Variants in LRCH3 observed in about 807,000 individuals in gnomAD.
The protein encoded by LRCH3 is leucine rich repeats and calponin homology domain containing 3, also known as DISP complex protein LRCH3.
LRCH3 carries 68 observed loss-of-function variants against 104.5 expected under a neutral mutation model. That is an observed-to-expected ratio of 0.65 (90% CI 0.54 to 0.80). The LOEUF (loss-of-function observed/expected upper bound fraction) is 0.80. Among genes scored for constraint, LRCH3 ranks in the 30% least tolerant of loss-of-function variants. LRCH3 has a pLI of 0.00. For missense variants in LRCH3, 951 were observed against 953.9 expected, an observed-to-expected ratio of 1.00 and a Z score of 0.04; for synonymous variants, 344 against 361.3, an observed-to-expected ratio of 0.95 and a Z score of 0.54.
rs772338445 is a variant in LRCH3, at chr3:197,852,609, G to A, written c.1579G>A (p.Val527Ile). The A allele has an allele frequency of 4.3e-6, 7 of 1,613,910 alleles. No homozygotes were observed. Among genetic ancestry groups the A allele is most frequent in the African/African-American group, 4.0e-5 (3 of 74,910 alleles). The change falls in exon 13 of 21, where the codon GTA (valine) becomes ATA (isoleucine). Residue 527 changes from valine to isoleucine, a missense_variant. Physicochemically the swap from Val to Ile is conservative, Grantham distance 29 (BLOSUM62 3). Transcript: ENST00000425562. Reference sequence around the variant, plus strand: ...AAAACAGCACCCGCTCCTAGATGGCGTAGATGGTGAGGTAAGTTGATGTAA... The same window carrying A: ...AAAACAGCACCCGCTCCTAGATGGCATAGATGGTGAGGTAAGTTGATGTAA... ...PQKQHPLLDGVDGECPFPSRR... is the reference protein window; with the variant it reads ...PQKQHPLLDGIDGECPFPSRR...
Position 197,859,481 on chromosome 3 carries a change from G to A in LRCH3, c.1716+576G>A, listed in dbSNP as rs186372161. 2.4e-3 allele frequency: 371 copies of A among 152,170 alleles called. 1 individual carries two copies. Among genetic ancestry groups the A allele is most frequent in the Non-Finnish European group, 4.0e-3 (274 of 68,088 alleles). 9.4% of individuals were successfully genotyped at this position (152,170 alleles called of 1,614,324 possible). On this transcript the variant is annotated intron_variant, in intron 15 of 20. Transcript: ENST00000425562. The stretch of plus-strand genomic sequence containing the variant: ...GTCTGGCCCTATAAGAAAAAAAATC[G>A]CAAACCCCTGCTTTTTATCAGCAAT...
intron 15 of LRCH3, among the ~76,000 whole-genome samples, chr3:197,860,430 T>C (rs1985077): frequency 0.14 from 21,285 of 152,126 alleles, 1,798 homozygotes; most frequent in African/African-American, 0.23. Flanking sequence ...TTGAGCCAGG[T>C]ACACTGGCTC....
At chr3:197,841,812 T>TTTTG (rs1318756037) in intron 10 of LRCH3, among the ~76,000 whole-genome samples, 1 of 115,680 alleles carries the variant, frequency 8.6e-6, no homozygotes. Flanking sequence ...GGATTACATG[T>TTTTG]TTTGTTTTGT....
chr3:197,867,926 A>G (rs1344144188), intron 17 of LRCH3, among the ~76,000 whole-genome samples: 1 of 152,110 alleles, frequency 6.6e-6, no homozygotes, highest in African/African-American at 2.4e-5. Flanking sequence ...TGTGGGGCTG[A>G]GGCGGGAGGA....
At chr3:197,867,960 G>A (rs982369377) in intron 17 of LRCH3, among the ~76,000 whole-genome samples, 11 of 152,146 alleles carry the variant, frequency 7.2e-5, no homozygotes, top group African/African-American at 2.4e-4. Context: ...GGAGGTTGAG[G>A]CTGAAGTGAG....
At chr3:197,871,496 C>T (rs1712187560) in intron 19 of LRCH3, 34 bp downstream of exon 19, 1 of 1,608,314 alleles carries the variant, frequency 6.2e-7, no homozygotes, top group Non-Finnish European at 8.5e-7. Flanking sequence ...CTTGGCTATT[C>T]ATCAGACATT....
chr3:197,795,686 GTTTTT>G (rs1167369678), intron 1 of LRCH3, among the ~76,000 whole-genome samples: 2 of 65,818 alleles, frequency 3.0e-5, no homozygotes, highest in African/African-American at 1.3e-4. Flanking sequence ...AAAAGTTGTT[GTTTTT>G]TTTTTTTTTT....
rs1309475460 is a variant in LRCH3, at chr3:197,817,254, G to A, written c.486G>A (p.Leu162=). 4 of 1,609,992 alleles carry A rather than the reference G, an allele frequency of 2.5e-6. No individual in the cohort carries two copies. Among genetic ancestry groups the A allele is most frequent in the East Asian group, 2.2e-5 (1 of 44,626 alleles). The change falls in exon 3 of 21, where the codon TTG becomes TTA. Residue 162 remains leucine (L), a synonymous_variant. Transcript: ENST00000425562. ...LKVLIASNNK[L]VSLPEEIGHL... The stretch of plus-strand genomic sequence containing the variant: ...TCTTAATTGCTAGTAATAACAAATT[G>A]GTGTCACTTCCAGAAGAAATTGGAC...
rs773671309 is a variant in LRCH3 at position 197,858,869 on chromosome 3, T to C, written c.1680T>C (p.Ala560=). The C allele has an allele frequency of 1.2e-6, 2 of 1,614,044 alleles. No individual in the cohort carries two copies. The highest frequency in any genetic ancestry group is 3.3e-5 in the Admixed American group (2 of 60,026). Residue 560 remains alanine, a synonymous_variant, in exon 15 of 21, where the codon GCT becomes GCC. Transcript: ENST00000425562. ...GGTTGAATCAAGTGGGCTGTGCTGC[T>C]ACCCTGCCTCATTCTTCTGCCTTCA... ...LSGLNQVGCA[A]TLPHSSAFTP...
intron 5 of LRCH3, among the ~76,000 whole-genome samples, 165 bp from the exon 6 acceptor site, chr3:197,829,399 A>G (rs1399344756): frequency 6.6e-6 from 1 of 152,326 alleles, no homozygotes; most frequent in African/African-American, 2.4e-5. Flanking sequence ...ACCTAAAATA[A>G]CACTTAACCA....
At chr3:197,827,921 AC>A (rs1735422000) in intron 5 of LRCH3, among the ~76,000 whole-genome samples, 1 of 151,914 alleles carries the variant, frequency 6.6e-6, no homozygotes, top group African/African-American at 2.4e-5. Context: ...TACTAAAAAT[AC>A]AAAAATTAGC....
intron 12 of LRCH3, 95 bp downstream of exon 12, chr3:197,848,116 C>A: frequency 7.8e-7 from 1 of 1,277,574 alleles, no homozygotes; most frequent in Non-Finnish European, 1.1e-6. Context: ...ATTAAAATGT[C>A]GACCATTTTT....
At chr3:197,850,661 T>C in intron 12 of LRCH3, 20 of 1,541,846 alleles carry the variant, frequency 1.3e-5, no homozygotes, top group Non-Finnish European at 1.8e-5. Flanking sequence ...CATCACTCTC[T>C]GCATTTTTAA....
In LRCH3 at chr3:197,883,465, AT is replaced by A; in HGVS notation, c.2209-70del. On this transcript the variant is annotated intron_variant, in intron 20 of 20. Coordinates refer to ENST00000425562, the MANE Select transcript of LRCH3 (RefSeq NM_001365715.1). The surrounding 1 kb of genome is among the most constrained non-coding windows in gnomAD (Gnocchi z 4.2). ...ATGATTGTGAAGGGGAGAAGTGCTT[AT>A]TTTTTCCTTTCAGTTCTATGATATT... The A allele has an allele frequency of 6.8e-7, 1 of 1,475,354 alleles. No individual in the cohort carries two copies. Among genetic ancestry groups the A allele is most frequent in the Non-Finnish European group, 9.0e-7 (1 of 1,112,000 alleles). 91.4% of individuals were successfully genotyped at this position (1,475,354 alleles called of 1,614,324 possible).
intron 2 of LRCH3, among the ~76,000 whole-genome samples, chr3:197,815,758 C>T (rs1733726852): frequency 6.6e-6 from 1 of 152,218 alleles, no homozygotes; most frequent in Non-Finnish European, 1.5e-5. Flanking sequence ...ACTCCACTTT[C>T]ACATCTTAAA....
At position 197,884,347 on chromosome 3, in the gene LRCH3, G is replaced by C. The variant is rs540702687; in HGVS notation, c.*681G>C. 1 of 152,358 alleles carries C rather than the reference G, an allele frequency of 6.6e-6. No homozygotes were observed. The highest frequency in any genetic ancestry group is 2.4e-5 in the African/African-American group (1 of 41,462). The allele number at this position is 152,358 out of a possible 1,614,324, so 9.4% of individuals were successfully genotyped here. A position where few individuals can be genotyped will look rare whatever the true frequency, so the allele number is the denominator to read the frequency against. On this transcript the variant is annotated 3_prime_UTR_variant, in exon 21 of 21. Coordinates refer to ENST00000425562, the MANE Select transcript of LRCH3 (RefSeq NM_001365715.1). Reference sequence around the variant, plus strand: ...TTTTCTTGTATTTTTAGTAGAGATGGGATTTTGTCATGTTGGCCAGGCTGG... The same window carrying C: ...TTTTCTTGTATTTTTAGTAGAGATGCGATTTTGTCATGTTGGCCAGGCTGG...
chr3:197,838,834 T>C (rs903778948), intron 9 of LRCH3, among the ~76,000 whole-genome samples: 14 of 152,196 alleles, frequency 9.2e-5, no homozygotes, highest in African/African-American at 3.1e-4. Flanking sequence ...CACTCAAGAC[T>C]GTTTGTATGA....
intron 9 of LRCH3, among the ~76,000 whole-genome samples, chr3:197,838,298 G>C (rs1392449999): frequency 1.3e-5 from 2 of 152,216 alleles, no homozygotes; most frequent in Non-Finnish European, 2.9e-5. Flanking sequence ...TAAAATTAGA[G>C]AAATTATTTT....
intron 1 of LRCH3, among the ~76,000 whole-genome samples, chr3:197,801,067 C>A: frequency 6.8e-6 from 1 of 147,586 alleles, no homozygotes; most frequent in South Asian, 2.2e-4. Flanking sequence ...AGCACTCCAG[C>A]CTGGGCAACA....
Sources: gnomAD v4.1 joint callset for allele counts (sites outside exome capture counted in the v4.1 genomes callset) on GRCh38, gnomAD v4.1.1 for gene constraint, Gnocchi (gnomAD v3.1) non-coding constraint, MANE v1.5 for transcripts, NCBI Gene and HGNC (gene_info 2026-07-23, HGNC 2026-07-21) for gene names.